The following DYNC1I1 variants were observed in gnomAD, a reference collection of about 807,000 sequenced individuals.
DYNC1I1 encodes the protein cytoplasmic dynein 1 intermediate chain 1.
Under a neutral mutation model 86.6 loss-of-function variants are expected in DYNC1I1, and 43 were observed. The observed-to-expected ratio is 0.50, with a 90% CI of 0.39 to 0.64. The LOEUF is 0.64. Ranked by LOEUF, DYNC1I1 falls within the 30% of genes least tolerant of loss-of-function variation. The pLI, the probability that DYNC1I1 is intolerant of heterozygous loss-of-function variation, is 0.00. For synonymous variants in DYNC1I1, 262 were observed against 283.7 expected (o/e 0.92, Z 0.77); for missense variants, 604 against 788.8 (o/e 0.77, Z 2.81).
At chr7:95,908,359 C>T (rs549701871) in intron 6 of DYNC1I1, among the ~76,000 whole-genome samples, 32 of 152,080 alleles carry the variant, frequency 2.1e-4, no homozygotes, top group Non-Finnish European at 3.2e-4. Flanking sequence ...GATTTAACAT[C>T]TATTGTGTTA....
chr7:95,833,380 G>T (rs1051107015), intron 5 of DYNC1I1, among the ~76,000 whole-genome samples: 1 of 150,306 alleles, frequency 6.7e-6, no homozygotes, highest in African/African-American at 2.4e-5. Flanking sequence ...TAGCCTTGTA[G>T]TATAGTTTGA....
intron 6 of DYNC1I1, among the ~76,000 whole-genome samples, chr7:95,969,451 T>C (rs1014964546): frequency 5.9e-5 from 9 of 152,128 alleles, no homozygotes; most frequent in Admixed American, 5.2e-4. Context: ...GAAAAATGCA[T>C]GGAAACACCG....
Position 95,823,991 on chromosome 7 carries a change from TTG to T in DYNC1I1, c.315-4064_315-4063del, listed in dbSNP as rs1562908298. Among the ~76,000 whole-genome samples the T allele has an allele frequency of 1.1e-4, 9 of 80,756 alleles. 1 individual carries two copies. Among genetic ancestry groups the T allele is most frequent in the Non-Finnish European group, 2.1e-4 (9 of 43,866 alleles). The allele number at this position is 80,756 out of a possible 152,430, so 53.0% of individuals were successfully genotyped here. On this transcript the variant is annotated intron_variant, in intron 4 of 16. Transcript: ENST00000447467. ...ATATATATATATATGTTTTGGTTTTTTGTTTTTTTTTTTTTTTTTGAGGCAGG... is the reference window on the plus strand; with the variant it reads ...ATATATATATATATGTTTTGGTTTTTTTTTTTTTTTTTTTTTTGAGGCAGG...
At position 96,076,278 on chromosome 7, in the gene DYNC1I1, CA is replaced by C; in HGVS notation, c.1650+85del. On this transcript the variant is annotated intron_variant, in intron 15 of 16. Transcript: ENST00000447467. ...CACTCGCAGTCTCTCCCTCTTTCTC[CA>C]AAACGGCCTTTTTTGGACAGACCTT... 3 of 1,550,542 alleles carry C rather than the reference CA, an allele frequency of 1.9e-6. No homozygotes were observed. The East Asian group carries it at 6.9e-5, about 36-fold the overall frequency.
At chr7:95,965,492 A>G (rs941159162) in intron 6 of DYNC1I1, among the ~76,000 whole-genome samples, 1 of 152,198 alleles carries the variant, frequency 6.6e-6, no homozygotes, top group Non-Finnish European at 1.5e-5. Flanking sequence ...AAAATGTTTT[A>G]AATGTATAAA....
intron 6 of DYNC1I1, among the ~76,000 whole-genome samples, chr7:95,967,924 G>A (rs1793058385): frequency 1.3e-5 from 2 of 152,154 alleles, no homozygotes; most frequent in African/African-American, 4.8e-5. Flanking sequence ...TTGTGCGGGG[G>A]TGAACACAGT....
At chr7:95,779,399 T>C (rs995708199) in intron 1 of DYNC1I1, among the ~76,000 whole-genome samples, 5 of 152,202 alleles carry the variant, frequency 3.3e-5, no homozygotes, top group Non-Finnish European at 5.9e-5. Flanking sequence ...AAATGATGCC[T>C]GGCTTGCAAA....
At chr7:95,913,148 A>G (rs1381830404) in intron 6 of DYNC1I1, among the ~76,000 whole-genome samples, 1 of 152,158 alleles carries the variant, frequency 6.6e-6, no homozygotes, top group African/African-American at 2.4e-5. Context: ...GCCAGAGCCT[A>G]GTTCATGGTT....
intron 10 of DYNC1I1, 98 bp downstream of exon 10, chr7:95,996,171 G>C: frequency 6.5e-7 from 1 of 1,541,116 alleles, no homozygotes; most frequent in South Asian, 1.2e-5. Flanking sequence ...GAAGAACTCA[G>C]TTTAAAAATG....
At chr7:96,073,381 C>G (rs182545405) in intron 14 of DYNC1I1, among the ~76,000 whole-genome samples, 119 of 152,060 alleles carry the variant, frequency 7.8e-4, no homozygotes, top group Non-Finnish European at 1.1e-3. Flanking sequence ...TGTGAAGTCT[C>G]CAGAATATAC....
chr7:95,897,637 T>C (rs1233148758), intron 6 of DYNC1I1, among the ~76,000 whole-genome samples: 2 of 152,188 alleles, frequency 1.3e-5, no homozygotes, highest in Non-Finnish European at 2.9e-5. Flanking sequence ...CCATGTATGG[T>C]TGCGACTTAA....
chr7:96,021,354 G>A (rs1794545600), intron 10 of DYNC1I1, among the ~76,000 whole-genome samples: 1 of 152,086 alleles, frequency 6.6e-6, no homozygotes, highest in South Asian at 2.1e-4. Flanking sequence ...CTCTCAGGAA[G>A]TAGAAATTGA....
chr7:96,000,102 C>T (rs953219723), intron 10 of DYNC1I1, among the ~76,000 whole-genome samples: 1 of 152,110 alleles, frequency 6.6e-6, no homozygotes, highest in African/African-American at 2.4e-5. Flanking sequence ...CTAAGCTTTT[C>T]TCTTGGCTAG....
chr7:95,950,376 C>G (rs534337093), intron 6 of DYNC1I1, among the ~76,000 whole-genome samples: 34 of 152,130 alleles, frequency 2.2e-4, no homozygotes, highest in Admixed American at 3.3e-4. Context: ...TGCTTGCTTG[C>G]GTTTTCCATG....
At chr7:95,995,107 CGTG>C (rs1251099396) in intron 9 of DYNC1I1, among the ~76,000 whole-genome samples, 4 of 151,934 alleles carry the variant, frequency 2.6e-5, no homozygotes, top group Non-Finnish European at 5.9e-5. Flanking sequence ...ATTAGCCAGG[CGTG>C]GTGGCCGGCG....
intron 5 of DYNC1I1, among the ~76,000 whole-genome samples, chr7:95,851,298 A>G (rs1383531362): frequency 4.6e-5 from 7 of 152,166 alleles, no homozygotes; most frequent in Admixed American, 4.6e-4. Context: ...TGGGTAGCAT[A>G]TACAGCATGG....
chr7:95,828,067 T>A lies in DYNC1I1; in HGVS notation c.325T>A (p.Trp109Arg). The change falls in exon 5 of 17, where the codon TGG becomes AGG. Residue 109 changes from tryptophan (W) to arginine (R), a missense_variant. By Grantham distance (101) the Trp-to-Arg change is moderately radical. Transcript: ENST00000447467. ...GTGCTGCACAATTAGGACCCTGCAG[T>A]GGGACACAGACCCCTCAGTGCTCCA... ...DLGPLTRTLQ[W>R]DTDPSVLQLQ... 1 of 1,613,896 alleles carries A rather than the reference T, an allele frequency of 6.2e-7. No homozygotes were observed. The highest frequency in any genetic ancestry group is 8.5e-7 in the Non-Finnish European group (1 of 1,179,806).
At chr7:96,033,721 A>G (rs1484790112) in intron 12 of DYNC1I1, among the ~76,000 whole-genome samples, 1 of 152,200 alleles carries the variant, frequency 6.6e-6, no homozygotes, top group African/African-American at 2.4e-5. Flanking sequence ...CAAAATGTAC[A>G]TAAGGAGACA....
intron 3 of DYNC1I1, among the ~76,000 whole-genome samples, chr7:95,811,713 T>C (rs1794834590): frequency 1.3e-5 from 2 of 152,266 alleles, no homozygotes; most frequent in South Asian, 2.1e-4. Context: ...CTTCATGTTG[T>C]GGAAGATGTA....
Sources: allele counts gnomAD v4.1 joint callset (sites outside exome capture counted in the v4.1 genomes callset), GRCh38; gene constraint gnomAD v4.1.1; transcripts MANE v1.5; gene names NCBI Gene and HGNC (gene_info 2026-07-23, HGNC 2026-07-21).